AKAP19: variants seen among roughly 807,000 people sequenced by gnomAD.
AKAP19 encodes small A-kinase anchoring protein.
At chr2:190,062,516 A>T in the AKAP19 span, 3 of 1,613,302 alleles carry the variant, frequency 1.9e-6, no homozygotes, top group East Asian at 2.2e-5. Context: ...CTTTTTGCTC[A>T]CTGTTCTCAT....
chr2:190,101,740 T>G, the AKAP19 span, among the ~76,000 whole-genome samples: 1 of 151,016 alleles, frequency 6.6e-6, no homozygotes, highest in Non-Finnish European at 1.5e-5. Flanking sequence ...AGCCACACAG[T>G]AATAGTGGGG....
the AKAP19 span, among the ~76,000 whole-genome samples, chr2:190,052,121 G>A: frequency 1.3e-5 from 2 of 152,078 alleles, no homozygotes. Context: ...TTACAGGCGT[G>A]ATCTACTTTT....
the AKAP19 span, chr2:190,056,829 G>C: frequency 5.2e-6 from 1 of 191,864 alleles, no homozygotes; most frequent in East Asian, 1.3e-4. Flanking sequence ...AGTGTTTAAG[G>C]ATGATTCGAA....
At chr2:189,917,082 A>T in the AKAP19 span, among the ~76,000 whole-genome samples, 1 of 152,186 alleles carries the variant, frequency 6.6e-6, no homozygotes, top group African/African-American at 2.4e-5. Flanking sequence ...GAATATAATG[A>T]TAACATATAC....
At chr2:190,197,186 C>G in the AKAP19 span, among the ~76,000 whole-genome samples, 1 of 152,130 alleles carries the variant, frequency 6.6e-6, no homozygotes, top group East Asian at 1.9e-4. This position sits in a 1 kb window ranked among gnomAD's most constrained non-coding sequence, Gnocchi z 4.0. Context: ...TTGGAGAAGC[C>G]ACAAACATCC....
chr2:190,095,227 A>T, the AKAP19 span, among the ~76,000 whole-genome samples: 1 of 152,242 alleles, frequency 6.6e-6, no homozygotes, highest in African/African-American at 2.4e-5. Context: ...GTCTCAAAAA[A>T]AAAGTAAATA....
At chr2:190,079,094 A>G in the AKAP19 span, 1 of 152,174 alleles carries the variant, frequency 6.6e-6, no homozygotes, top group Non-Finnish European at 1.5e-5. Context: ...GATCTGCTCC[A>G]GACTCATATT....
chr2:190,130,319 A>G, the AKAP19 span, among the ~76,000 whole-genome samples: 2 of 152,140 alleles, frequency 1.3e-5, no homozygotes, highest in Admixed American at 1.3e-4. Flanking sequence ...ATTTTCTAAT[A>G]CTGCAATTGA....
At chr2:190,062,341 G>C in the AKAP19 span, 1 of 1,613,284 alleles carries the variant, frequency 6.2e-7, no homozygotes, top group Non-Finnish European at 8.5e-7. Context: ...TCCCGGAGTG[G>C]AGGAGCTTTG....
chr2:190,037,396 G>A, the AKAP19 span, among the ~76,000 whole-genome samples: 1 of 152,196 alleles, frequency 6.6e-6, no homozygotes, highest in African/African-American at 2.4e-5. Flanking sequence ...CCAGGGCCAA[G>A]AATTTGTGAA....
chr2:189,957,475 A>T, the AKAP19 span, among the ~76,000 whole-genome samples: 2 of 152,198 alleles, frequency 1.3e-5, no homozygotes, highest in African/African-American at 4.8e-5. Context: ...TAGCTCTAAG[A>T]TTTATCATTA....
the AKAP19 span, among the ~76,000 whole-genome samples, chr2:189,949,291 C>T: frequency 6.6e-6 from 1 of 152,132 alleles, no homozygotes; most frequent in Non-Finnish European, 1.5e-5. Context: ...CGATGGCTCA[C>T]ACCTGTAATC....
At chr2:189,948,906 TTTAAG>T in the AKAP19 span, among the ~76,000 whole-genome samples, 2 of 152,190 alleles carry the variant, frequency 1.3e-5, no homozygotes, top group African/African-American at 4.8e-5. Flanking sequence ...AACTTTTTTT[TTTAAG>T]TTCTTTTGTG....
the AKAP19 span, among the ~76,000 whole-genome samples, chr2:189,915,751 C>CCATT: frequency 6.6e-6 from 1 of 151,918 alleles, no homozygotes; most frequent in Non-Finnish European, 1.5e-5. Flanking sequence ...TATTAGAAAT[C>CCATT]CATTATAAGG....
chr2:190,138,262 A>G, the AKAP19 span, among the ~76,000 whole-genome samples: 1 of 152,232 alleles, frequency 6.6e-6, no homozygotes, highest in African/African-American at 2.4e-5. Context: ...AGTTAACAGA[A>G]GTGAAGCAGT....
chr2:190,139,580 G>C, the AKAP19 span, among the ~76,000 whole-genome samples: 2 of 152,144 alleles, frequency 1.3e-5, no homozygotes, highest in African/African-American at 4.8e-5. Flanking sequence ...ATTGTTCTTT[G>C]CATGGTGGCG....
chr2:190,066,982 G>A, the AKAP19 span, among the ~76,000 whole-genome samples: 1 of 152,082 alleles, frequency 6.6e-6, no homozygotes, highest in Admixed American at 6.6e-5. Context: ...AATTTGATTA[G>A]GTGTGCCCTT....
At chr2:190,045,076 A>G in the AKAP19 span, among the ~76,000 whole-genome samples, 1 of 152,182 alleles carries the variant, frequency 6.6e-6, no homozygotes, top group African/African-American at 2.4e-5. Context: ...AACAGCAAAC[A>G]TGGTGGCCCT....
chr2:190,004,927 C>A, the AKAP19 span, among the ~76,000 whole-genome samples: 1 of 152,214 alleles, frequency 6.6e-6, no homozygotes, highest in Non-Finnish European at 1.5e-5. Context: ...GTCCGCAATT[C>A]ATTCCTTCCC....
Sources: allele counts gnomAD v4.1 joint callset (sites outside exome capture counted in the v4.1 genomes callset), GRCh38; gene constraint gnomAD v4.1.1; non-coding constraint Gnocchi (gnomAD v3.1); transcripts MANE v1.5; gene names NCBI Gene and HGNC (gene_info 2026-07-23, HGNC 2026-07-21).